OTUD7A: variants seen among roughly 807,000 people sequenced by gnomAD.
The protein encoded by OTUD7A is OTU deubiquitinase 7A, also known as OTU domain-containing protein 7A.
Under a neutral mutation model 65.7 loss-of-function variants are expected in OTUD7A, and 12 were observed. The observed-to-expected ratio is 0.18, with a 90% CI of 0.12 to 0.30. The LOEUF (loss-of-function observed/expected upper bound fraction) is 0.30. Among genes scored for constraint, OTUD7A ranks in the 10% least tolerant of loss-of-function variants. The pLI is 1.00. For missense variants in OTUD7A, 1,148 were observed against 1,304.8 expected, an observed-to-expected ratio of 0.88 and a Z score of 1.85; for synonymous variants, 641 against 586.3, an observed-to-expected ratio of 1.09 and a Z score of -1.35.
chr15:31,832,039 A>G (rs1896946412), intron 1 of OTUD7A, among the ~76,000 whole-genome samples: 1 of 152,234 alleles, frequency 6.6e-6, no homozygotes, highest in South Asian at 2.1e-4. Context: ...GACTTGGATT[A>G]CACAGGTGTA....
At chr15:31,799,483 A>C (rs1017598693) in intron 1 of OTUD7A, among the ~76,000 whole-genome samples, 4 of 152,080 alleles carry the variant, frequency 2.6e-5, no homozygotes, top group African/African-American at 9.7e-5. Context: ...TGAGGTCATG[A>C]GGGTGGGGCC....
At chr15:31,711,929 C>T (rs1211689922) in intron 1 of OTUD7A, among the ~76,000 whole-genome samples, 1 of 151,776 alleles carries the variant, frequency 6.6e-6, no homozygotes, top group Non-Finnish European at 1.5e-5. Context: ...TGGCAGATGG[C>T]GGTTATTGTG....
intron 4 of OTUD7A, among the ~76,000 whole-genome samples, chr15:31,561,032 T>A (rs1888670431): frequency 6.6e-6 from 1 of 152,280 alleles, no homozygotes; most frequent in African/African-American, 2.4e-5. Context: ...AGAAGGTTCA[T>A]GTATTTTTCC....
At chr15:31,813,151 A>C (rs1185333603) in intron 1 of OTUD7A, among the ~76,000 whole-genome samples, 2 of 152,192 alleles carry the variant, frequency 1.3e-5, no homozygotes, top group Non-Finnish European at 2.9e-5. Context: ...GCCTCATGTT[A>C]ATAGAGTTCC....
intron 1 of OTUD7A, among the ~76,000 whole-genome samples, chr15:31,761,637 G>T (rs1019986415): frequency 6.6e-6 from 1 of 152,132 alleles, no homozygotes; most frequent in African/African-American, 2.4e-5. Context: ...GTTAAGCATA[G>T]AATTCCCATA....
intron 3 of OTUD7A, among the ~76,000 whole-genome samples, chr15:31,640,677 A>G (rs1020428147): frequency 6.6e-6 from 1 of 151,362 alleles, no homozygotes; most frequent in Admixed American, 6.6e-5. Flanking sequence ...TTAACTTTCC[A>G]ATTTGTTTCA....
intron 1 of OTUD7A, among the ~76,000 whole-genome samples, chr15:31,813,400 A>G (rs1285563056): frequency 6.6e-6 from 1 of 152,246 alleles, no homozygotes; most frequent in African/African-American, 2.4e-5. Flanking sequence ...GATTTACTGC[A>G]TGACACACCA....
At chr15:31,816,243 C>G (rs147481080) in intron 1 of OTUD7A, among the ~76,000 whole-genome samples, 1 of 152,186 alleles carries the variant, frequency 6.6e-6, no homozygotes, top group Non-Finnish European at 1.5e-5. Flanking sequence ...GGTACACATG[C>G]AATTCTAGCA....
intron 1 of OTUD7A, among the ~76,000 whole-genome samples, chr15:31,834,396 T>G (rs1341888948): frequency 6.6e-6 from 1 of 152,180 alleles, no homozygotes; most frequent in Non-Finnish European, 1.5e-5. Flanking sequence ...TATATGGTTT[T>G]GTTTTGTTTT....
At chr15:31,749,755 A>T (rs1257963257) in intron 1 of OTUD7A, among the ~76,000 whole-genome samples, 1 of 152,066 alleles carries the variant, frequency 6.6e-6, no homozygotes, top group African/African-American at 2.4e-5. Flanking sequence ...TTTTTTTTTA[A>T]AAAAAGGAAG....
At chr15:31,647,629 G>A (rs529207394) in intron 3 of OTUD7A, among the ~76,000 whole-genome samples, 6 of 151,844 alleles carry the variant, frequency 4.0e-5, no homozygotes, top group Non-Finnish European at 8.8e-5. Flanking sequence ...CCTTCTCCCC[G>A]ACTTAGTTAT....
At chr15:31,818,073 A>G (rs765191059) in intron 1 of OTUD7A, among the ~76,000 whole-genome samples, 14 of 152,214 alleles carry the variant, frequency 9.2e-5, no homozygotes, top group Admixed American at 2.0e-4. Context: ...CTGAGGAAAC[A>G]GCAACAAGGC....
chr15:31,689,775 A>G (rs1033581178), intron 1 of OTUD7A, among the ~76,000 whole-genome samples: 35 of 152,270 alleles, frequency 2.3e-4, no homozygotes, highest in African/African-American at 7.5e-4. Flanking sequence ...AACAGACGTG[A>G]GGGTGGGCTC....
At chr15:31,640,405 T>C (rs1156879939) in intron 3 of OTUD7A, among the ~76,000 whole-genome samples, 2 of 151,370 alleles carry the variant, frequency 1.3e-5, no homozygotes, top group Non-Finnish European at 2.9e-5. Flanking sequence ...CCTACGGAAA[T>C]AAAAAAAAAT....
chr15:31,487,469 A>T lies in OTUD7A; in HGVS notation c.1269T>A (p.Asp423Glu), dbSNP rs767359413. The T allele has an allele frequency of 1.2e-6, 2 of 1,614,030 alleles. No individual in the cohort carries two copies. Among genetic ancestry groups the T allele is most frequent in the Non-Finnish European group, 1.7e-6 (2 of 1,179,998 alleles). Residue 423 changes from aspartate (D) to glutamate (E), a missense_variant, in exon 11 of 13, where the codon GAT becomes GAA. Around this residue, in one of 6 missense-constraint regions of OTUD7A, gnomAD observed 842 missense variants for 769.5 expected, o/e 1.09. Coordinates refer to ENST00000307050, the MANE Select transcript of OTUD7A (RefSeq NM_001382637.1). The surrounding 1 kb of genome is among the most constrained non-coding windows in gnomAD (Gnocchi z 6.0). Reference protein sequence around the residue: ...KDWEWGKDDNDNARLAHLILS... With the variant: ...KDWEWGKDDNENARLAHLILS... ...GATCTTACTGGGCCAGCCGGGCGTT[A>T]TCGTTGTCGTCTTTCCCCCACTCCC...
chr15:31,563,702 G>A (rs966839667), intron 4 of OTUD7A, among the ~76,000 whole-genome samples: 3 of 152,238 alleles, frequency 2.0e-5, no homozygotes, highest in Non-Finnish European at 4.4e-5. Context: ...ACACACTGGG[G>A]AGCTTGGCGG....
chr15:31,588,457 C>G (rs1266539020), intron 3 of OTUD7A, among the ~76,000 whole-genome samples: 1 of 152,218 alleles, frequency 6.6e-6, no homozygotes, highest in African/African-American at 2.4e-5. Context: ...GCAAGAAACA[C>G]AAAGGGATTT....
At chr15:31,531,185 G>A (rs2141123096) in intron 5 of OTUD7A, among the ~76,000 whole-genome samples, 1 of 152,182 alleles carries the variant, frequency 6.6e-6, no homozygotes, top group South Asian at 2.1e-4. Flanking sequence ...ACCTTTGAAA[G>A]TATAGTTCAT....
chr15:31,547,323 A>G (rs1299374824), intron 5 of OTUD7A, among the ~76,000 whole-genome samples: 1 of 152,244 alleles, frequency 6.6e-6, no homozygotes, highest in Non-Finnish European at 1.5e-5. Context: ...CTGTGACTAC[A>G]TATTGTCATT....
Sources: allele counts gnomAD v4.1 joint callset (sites outside exome capture counted in the v4.1 genomes callset), GRCh38; gene constraint gnomAD v4.1.1; regional missense constraint gnomAD v4.1.1; non-coding constraint Gnocchi (gnomAD v3.1); transcripts MANE v1.5; gene names NCBI Gene and HGNC (gene_info 2026-07-23, HGNC 2026-07-21).